The following CACNA2D3 variants were observed in gnomAD, a reference collection of about 807,000 sequenced individuals.
The protein encoded by CACNA2D3 is calcium voltage-gated channel auxiliary subunit alpha2delta 3.
In CACNA2D3, 60 loss-of-function variants were observed where a neutral mutation model predicts 160.6. The observed-to-expected ratio is 0.37, with a 90% confidence interval of 0.30 to 0.46. CACNA2D3 has a LOEUF of 0.46. Ranked by LOEUF, CACNA2D3 falls within the 20% of genes least tolerant of loss-of-function variation. CACNA2D3 has a pLI of 1.00. For missense variants in CACNA2D3, 1,205 were observed against 1,365.0 expected, an observed-to-expected ratio of 0.88 and a Z score of 1.85; for synonymous variants, 558 against 492.9, an observed-to-expected ratio of 1.13 and a Z score of -1.75.
chr3:54,710,541 A>T (rs750119387), intron 11 of CACNA2D3, among the ~76,000 whole-genome samples: 7 of 152,174 alleles, frequency 4.6e-5, no homozygotes, highest in African/African-American at 1.4e-4. Flanking sequence ...AAGTGGGTAT[A>T]TCATTTCTGT....
intron 2 of CACNA2D3, among the ~76,000 whole-genome samples, chr3:54,245,596 A>T (rs571007390): frequency 6.6e-6 from 1 of 152,186 alleles, no homozygotes; most frequent in East Asian, 1.9e-4. Flanking sequence ...CATGGGTTCC[A>T]TCAGTCAACT....
intron 35 of CACNA2D3, among the ~76,000 whole-genome samples, chr3:55,044,512 C>A (rs952822745): frequency 4.6e-5 from 7 of 152,040 alleles, no homozygotes; most frequent in African/African-American, 1.4e-4. Flanking sequence ...TTAGACTATT[C>A]TATGTAGACA....
intron 13 of CACNA2D3, among the ~76,000 whole-genome samples, chr3:54,769,268 A>G (rs1702275960): frequency 6.6e-6 from 1 of 152,116 alleles, no homozygotes; most frequent in South Asian, 2.1e-4. Context: ...CACATCCAGG[A>G]CAGTTTCAAG....
intron 29 of CACNA2D3, among the ~76,000 whole-genome samples, chr3:54,974,045 G>A (rs1223897878): frequency 6.6e-6 from 1 of 152,134 alleles, no homozygotes; most frequent in African/African-American, 2.4e-5. Flanking sequence ...TTCTAAGTGA[G>A]TTGTTTCTCC....
chr3:54,811,380 A>G (rs924047977), intron 13 of CACNA2D3, among the ~76,000 whole-genome samples: 1 of 147,904 alleles, frequency 6.8e-6, no homozygotes, highest in East Asian at 2.1e-4. Context: ...CCAGGCTATC[A>G]TCTCGATTCT....
At chr3:54,906,529 T>C (rs1291120100) in intron 27 of CACNA2D3, among the ~76,000 whole-genome samples, 3 of 152,192 alleles carry the variant, frequency 2.0e-5, no homozygotes, top group Non-Finnish European at 2.9e-5. Context: ...TGGGAACTAA[T>C]GCCTCCAGTA....
At chr3:54,380,709 A>C (rs1004237208) in intron 3 of CACNA2D3, among the ~76,000 whole-genome samples, 2 of 151,658 alleles carry the variant, frequency 1.3e-5, no homozygotes, top group Non-Finnish European at 2.9e-5. Flanking sequence ...CAATAGAGTG[A>C]GACTCCGTCT....
intron 13 of CACNA2D3, among the ~76,000 whole-genome samples, chr3:54,806,139 A>G (rs1202492612): frequency 2.6e-5 from 4 of 152,316 alleles, no homozygotes; most frequent in African/African-American, 7.2e-5. Context: ...TTGAAAACTG[A>G]CACAAGACAG....
intron 11 of CACNA2D3, among the ~76,000 whole-genome samples, chr3:54,685,799 T>A (rs946873200): frequency 2.6e-5 from 4 of 152,222 alleles, no homozygotes; most frequent in African/African-American, 9.6e-5. Context: ...AGTTGTTTTC[T>A]TTGGCTATCA....
intron 4 of CACNA2D3, among the ~76,000 whole-genome samples, chr3:54,405,853 C>CA (rs34578123): frequency 0.47 from 70,015 of 149,694 alleles, 17,357 homozygotes; most frequent in Middle Eastern, 0.57. Flanking sequence ...AACTCAATAG[C>CA]AAAAAAAAAA....
intron 4 of CACNA2D3, among the ~76,000 whole-genome samples, chr3:54,459,652 A>T (rs1213854454): frequency 6.6e-6 from 1 of 151,560 alleles, no homozygotes; most frequent in African/African-American, 2.4e-5. Flanking sequence ...GTTTGAGTTC[A>T]TTGTAGATTC....
intron 2 of CACNA2D3, among the ~76,000 whole-genome samples, chr3:54,316,017 G>A (rs56053256): frequency 0.085 from 12,877 of 152,216 alleles, 758 homozygotes; most frequent in South Asian, 0.13. Context: ...ATTTGTGATT[G>A]TACAGCTGGC....
chr3:54,918,353 T>G lies in CACNA2D3; in HGVS notation c.2449+18485T>G. On this transcript the variant is annotated intron_variant, in intron 27 of 37. Coordinates refer to ENST00000474759, the MANE Select transcript of CACNA2D3 (RefSeq NM_018398.3). ...TTTTCTTTTTTTTTTTTTTTTTTTT[T>G]TTGTCTTTTGGCAAAAGCAAAATCA... is the stretch of plus-strand genomic sequence containing the variant. The G allele has an allele frequency of 3.3e-5, 12 of 364,076 alleles. 1 individual carries two copies. The highest frequency in any genetic ancestry group is 1.5e-4 in the South Asian group (2 of 13,388). The allele number at this position is 364,076 out of a possible 1,614,324, so 22.6% of individuals were successfully genotyped here.
rs187972954 is a variant in CACNA2D3 at position 54,902,755 on chromosome 3, A to G, written c.2449+2887A>G. Among the ~76,000 whole-genome samples, 15 of 152,318 alleles carry G rather than the reference A, an allele frequency of 9.8e-5. No homozygotes were observed. The East Asian group carries it at 2.9e-3, about 29-fold the overall frequency. ...GCTAAATGTGTGGTCTTGGGTCTCT[A>G]AAGTTCTATCTAAAATAGGCTTGGG... On this transcript the variant is annotated intron_variant, in intron 27 of 37. Coordinates refer to ENST00000474759, the MANE Select transcript of CACNA2D3 (RefSeq NM_018398.3).
Position 54,975,907 on chromosome 3 carries a change from C to T in CACNA2D3, c.2556+6063C>T, listed in dbSNP as rs375117223. ...ACGTCAGTCACTTTTATTGTTTTTACTTGCTTTCAGCCACAATAATAACAC... is the reference window on the plus strand; with the variant it reads ...ACGTCAGTCACTTTTATTGTTTTTATTTGCTTTCAGCCACAATAATAACAC... On this transcript the variant is annotated intron_variant, in intron 29 of 37. Coordinates refer to ENST00000474759, the MANE Select transcript of CACNA2D3 (RefSeq NM_018398.3). Among the ~76,000 whole-genome samples, 5 of 152,184 alleles carry T rather than the reference C, an allele frequency of 3.3e-5. No homozygotes were observed. In the South Asian group the frequency reaches 1.0e-3, roughly 32 times the overall value.
intron 11 of CACNA2D3, among the ~76,000 whole-genome samples, chr3:54,749,270 T>C (rs1230135047): frequency 1.3e-5 from 2 of 152,230 alleles, no homozygotes; most frequent in African/African-American, 4.8e-5. Flanking sequence ...GATGAGGACA[T>C]AGCTGCTGGG....
intron 13 of CACNA2D3, among the ~76,000 whole-genome samples, chr3:54,789,667 C>A (rs186596865): frequency 6.6e-6 from 1 of 152,308 alleles, no homozygotes; most frequent in East Asian, 1.9e-4. Context: ...TTGATCTATG[C>A]CTCTGTTTCA....
At chr3:54,351,977 C>T (rs1278096869) in intron 3 of CACNA2D3, among the ~76,000 whole-genome samples, 1 of 152,222 alleles carries the variant, frequency 6.6e-6, no homozygotes, top group Admixed American at 6.5e-5. Flanking sequence ...TCAGAGTCTG[C>T]AGCAAATTCT....
intron 5 of CACNA2D3, among the ~76,000 whole-genome samples, chr3:54,550,785 G>A (rs1702143690): frequency 6.6e-6 from 1 of 152,122 alleles, no homozygotes; most frequent in South Asian, 2.1e-4. Context: ...TCCTGCTGTG[G>A]GGGATTCCCC....
Sources: gnomAD v4.1 joint callset for allele counts (sites outside exome capture counted in the v4.1 genomes callset) on GRCh38, gnomAD v4.1.1 for gene constraint, MANE v1.5 for transcripts, NCBI Gene and HGNC (gene_info 2026-07-23, HGNC 2026-07-21) for gene names.